The following TRIO variants were observed in gnomAD, a reference collection of about 807,000 sequenced individuals.
The protein encoded by TRIO is trio Rho guanine nucleotide exchange factor.
TRIO carries 58 observed loss-of-function variants against 351.9 expected under a neutral mutation model. That is an observed-to-expected ratio of 0.16 (90% CI 0.13 to 0.21). The LOEUF (loss-of-function observed/expected upper bound fraction) is 0.21, where lower values mean the gene tolerates loss of function less well. Among genes scored for constraint, TRIO ranks in the 10% least tolerant of loss-of-function variants. The pLI is 1.00. For synonymous variants in TRIO, 1,758 were observed against 1,595.7 expected (o/e 1.10, Z -2.42); for missense variants, 3,201 against 4,027.8 (o/e 0.79, Z 5.56).
At position 14,368,677 on chromosome 5, in the gene TRIO, A is replaced by G. The variant is rs775142407; in HGVS notation, c.2875-31A>G. On this transcript the variant is annotated intron_variant, in intron 16 of 56. Coordinates refer to ENST00000344204, the MANE Select transcript of TRIO (RefSeq NM_007118.4). The stretch of plus-strand genomic sequence containing the variant: ...TTCTAGTCAGTGGGGACACTGACAA[A>G]TAAGCCTTCCCTTTTGTTCTCTGTC... The G allele has an allele frequency of 1.3e-5, 20 of 1,598,564 alleles. No homozygotes were observed. In the African/African-American group the frequency reaches 2.4e-4, roughly 19 times the overall value.
chr5:14,206,377 A>T (rs1053869871), intron 1 of TRIO, among the ~76,000 whole-genome samples: 2 of 152,192 alleles, frequency 1.3e-5, no homozygotes, highest in African/African-American at 4.8e-5. Flanking sequence ...GTACTTTTTT[A>T]GAAAAAGAAA....
At chr5:14,429,938 T>C (rs943281026) in intron 34 of TRIO, among the ~76,000 whole-genome samples, 6 of 152,194 alleles carry the variant, frequency 3.9e-5, no homozygotes, top group African/African-American at 1.2e-4. Context: ...TTCATTTTTT[T>C]AGATGTGTAA....
In TRIO at chr5:14,284,518, C is replaced by T. The variant is rs116045732; in HGVS notation, c.348-2353C>T. 6.3e-3 allele frequency among the ~76,000 whole-genome samples: 955 copies of T among 152,282 alleles called. 13 individuals carry two copies. The highest frequency in any genetic ancestry group is 0.022 in the African/African-American group (922 of 41,552). ...CCGCTGGGTGGGAGCAGTTTGATCACAGAGGAAGGCGAATAGTTAATCCTT... is the reference window on the plus strand; with the variant it reads ...CCGCTGGGTGGGAGCAGTTTGATCATAGAGGAAGGCGAATAGTTAATCCTT... On this transcript the variant is annotated intron_variant, in intron 3 of 56. Transcript: ENST00000344204.
In TRIO at chr5:14,319,858, C is replaced by T. The variant is rs145551827; in HGVS notation, c.1731+3115C>T. Reference sequence around the variant, plus strand: ...TGTAAAACATGGTTAATTTTGGTTTCGAGGTTAATTTTTTCCCCTCTTAAT... The same window carrying T: ...TGTAAAACATGGTTAATTTTGGTTTTGAGGTTAATTTTTTCCCCTCTTAAT... On this transcript the variant is annotated intron_variant, in intron 9 of 56. Coordinates refer to ENST00000344204, the MANE Select transcript of TRIO (RefSeq NM_007118.4). Among the ~76,000 whole-genome samples the T allele has an allele frequency of 6.3e-4, 96 of 152,218 alleles. 1 individual carries two copies. Among genetic ancestry groups the T allele is most frequent in the Non-Finnish European group, 2.9e-4 (20 of 68,014 alleles).
chr5:14,143,935 C>T (rs1017279024), intron 1 of TRIO, 53 bp downstream of exon 1: 14 of 1,032,268 alleles, frequency 1.4e-5, no homozygotes, highest in Middle Eastern at 4.4e-4. Flanking sequence ...AGCGCTCGGC[C>T]GACCCGCCGC....
chr5:14,166,350 A>G (rs1046670427), intron 1 of TRIO, among the ~76,000 whole-genome samples: 8 of 152,056 alleles, frequency 5.3e-5, no homozygotes, highest in South Asian at 2.1e-4. Context: ...CTTGATCCCA[A>G]TCCCCTTTAA....
chr5:14,320,175 G>A (rs1017854568), intron 9 of TRIO, among the ~76,000 whole-genome samples: 2 of 152,102 alleles, frequency 1.3e-5, no homozygotes, highest in Non-Finnish European at 2.9e-5. Flanking sequence ...TCTCAGCGAA[G>A]GTTTGGTTGA....
At chr5:14,152,268 A>G (rs1478868541) in intron 1 of TRIO, among the ~76,000 whole-genome samples, 1 of 152,252 alleles carries the variant, frequency 6.6e-6, no homozygotes, top group Non-Finnish European at 1.5e-5. Context: ...CAGAGTGATG[A>G]AAGCTGGCAT....
chr5:14,204,369 C>A (rs1402248317), intron 1 of TRIO, among the ~76,000 whole-genome samples: 1 of 152,124 alleles, frequency 6.6e-6, no homozygotes, highest in Non-Finnish European at 1.5e-5. Flanking sequence ...GGTCGATGGT[C>A]ACAGAGGAGG....
intron 11 of TRIO, among the ~76,000 whole-genome samples, chr5:14,349,085 A>G (rs1689811003): frequency 7.0e-6 from 1 of 142,998 alleles, no homozygotes; most frequent in South Asian, 2.3e-4. Flanking sequence ...GCACATGAGC[A>G]TGTGTGTTTT....
intron 11 of TRIO, among the ~76,000 whole-genome samples, chr5:14,336,984 G>T (rs1275032219): frequency 6.6e-6 from 1 of 152,186 alleles, no homozygotes; most frequent in African/African-American, 2.4e-5. Context: ...GGGAGAGACA[G>T]AGAACGTCCA....
In TRIO at chr5:14,244,885, G is replaced by GAGGCAT. The variant is rs370267811; in HGVS notation, c.158-25934_158-25929dup. Among the ~76,000 whole-genome samples the GAGGCAT allele has an allele frequency of 2.2e-3, 333 of 152,320 alleles. 2 individuals carry two copies. The highest frequency in any genetic ancestry group is 7.7e-3 in the African/African-American group (318 of 41,560). On this transcript the variant is annotated intron_variant, in intron 1 of 56. Transcript: ENST00000344204. ...GGTAAATGAGGTTTGGGGTCTGTGA[G>GAGGCAT]AGGCATAGGCAGAGGGGGTGGGCTG...
chr5:14,223,103 T>G (rs1792753279), intron 1 of TRIO, among the ~76,000 whole-genome samples: 1 of 152,214 alleles, frequency 6.6e-6, no homozygotes, highest in African/African-American at 2.4e-5. Context: ...TAGCCGTGTC[T>G]GCTGCTTATG....
intron 1 of TRIO, among the ~76,000 whole-genome samples, chr5:14,177,429 C>CT (rs1789475360): frequency 6.6e-6 from 1 of 152,102 alleles, no homozygotes; most frequent in South Asian, 2.1e-4. Context: ...TTCTTGGTAT[C>CT]TGACTGCTCT....
chr5:14,249,373 C>A (rs1469432042), intron 1 of TRIO, among the ~76,000 whole-genome samples: 3 of 152,126 alleles, frequency 2.0e-5, no homozygotes, highest in Admixed American at 6.5e-5. Flanking sequence ...AGGCAAATGC[C>A]AGTTTACAGA....
In TRIO at chr5:14,297,461, CTCTGTTTTGTTT is replaced by C; in HGVS notation, c.1368+200_1368+211del. On this transcript the variant is annotated intron_variant, in intron 7 of 56. Transcript: ENST00000344204. ...TAACCTTAGGCAAGTGACTTAGCCTCTCTGTTTTGTTTTTTCATTTGTAAAGTAGAAATAAAA... is the reference window on the plus strand; with the variant it reads ...TAACCTTAGGCAAGTGACTTAGCCTCTTTCATTTGTAAAGTAGAAATAAAA... 3 of 559,500 alleles carry C rather than the reference CTCTGTTTTGTTT, an allele frequency of 5.4e-6. No individual in the cohort carries two copies. The Middle Eastern group carries it at 1.4e-3, about 270-fold the overall frequency. 34.7% of individuals were successfully genotyped at this position (559,500 alleles called of 1,614,324 possible). A position where few individuals can be genotyped will look rare whatever the true frequency, so the allele number is the denominator to read the frequency against.
At chr5:14,296,107 CAG>C (rs1265006419) in intron 6 of TRIO, among the ~76,000 whole-genome samples, 1 of 151,922 alleles carries the variant, frequency 6.6e-6, no homozygotes, top group Non-Finnish European at 1.5e-5. Context: ...GAGATTTGCT[CAG>C]AGGGGTTGTG....
chr5:14,461,372 G>C lies in TRIO; in HGVS notation c.5496+61G>C, dbSNP rs1394401405. The C allele has an allele frequency of 2.4e-5, 34 of 1,444,344 alleles. No homozygotes were observed. The East Asian group carries it at 7.9e-4, about 33-fold the overall frequency. 89.5% of individuals were successfully genotyped at this position (1,444,344 alleles called of 1,614,324 possible). Reference sequence around the variant, plus strand: ...GGGGCCCGCTGGGCTTTTGCTGCAAGAATAGTTGCTGATCTTATGAGTAAA... The same window carrying C: ...GGGGCCCGCTGGGCTTTTGCTGCAACAATAGTTGCTGATCTTATGAGTAAA... On this transcript the variant is annotated intron_variant, in intron 35 of 56. Coordinates refer to ENST00000344204, the MANE Select transcript of TRIO (RefSeq NM_007118.4).
At chr5:14,392,202 A>G (rs558228098) in intron 27 of TRIO, among the ~76,000 whole-genome samples, 1 of 152,186 alleles carries the variant, frequency 6.6e-6, no homozygotes, top group East Asian at 1.9e-4. Context: ...CAAAGGGCTA[A>G]CATCCAGAAT....
Sources: allele counts gnomAD v4.1 joint callset (sites outside exome capture counted in the v4.1 genomes callset), GRCh38; gene constraint gnomAD v4.1.1; transcripts MANE v1.5; gene names NCBI Gene and HGNC (gene_info 2026-07-23, HGNC 2026-07-21).